The following KAZN variants were observed in gnomAD, a reference collection of about 807,000 sequenced individuals.
KAZN encodes the protein kazrin, periplakin interacting protein, also known as kazrin.
KAZN carries 40 observed loss-of-function variants against 87.4 expected under a neutral mutation model. The ratio of observed to expected loss-of-function variants is 0.46; its 90% CI spans 0.36 to 0.60. The LOEUF is 0.60. KAZN is among the 20% of genes least tolerant of loss of function. KAZN has a pLI of 0.00. For missense variants in KAZN, 898 were observed against 1,073.9 expected, an observed-to-expected ratio of 0.84 and a Z score of 2.29; for synonymous variants, 466 against 458.3, an observed-to-expected ratio of 1.02 and a Z score of -0.22.
chr1:15,025,275 T>G (rs187511380), intron 2 of KAZN, among the ~76,000 whole-genome samples: 23 of 152,344 alleles, frequency 1.5e-4, no homozygotes, highest in Admixed American at 1.4e-3. Flanking sequence ...TTAAGCATGC[T>G]GTTTGGAGTT....
chr1:14,201,676 T>G (rs1646643034), intron 2 of KAZN, among the ~76,000 whole-genome samples: 1 of 152,202 alleles, frequency 6.6e-6, no homozygotes, highest in Non-Finnish European at 1.5e-5. Flanking sequence ...CATTGTTCGT[T>G]TCTTTTCTTG....
intron 1 of KAZN, among the ~76,000 whole-genome samples, chr1:14,920,159 T>G (rs1658334595): frequency 6.6e-6 from 1 of 152,168 alleles, no homozygotes; most frequent in Non-Finnish European, 1.5e-5. Context: ...CTGGGTTTTG[T>G]TCCTTAAGCC....
intron 2 of KAZN, among the ~76,000 whole-genome samples, chr1:14,304,208 G>GAGCT (rs1472473343): frequency 2.6e-5 from 4 of 152,200 alleles, no homozygotes; most frequent in Admixed American, 2.6e-4. Flanking sequence ...TTCATGCAAA[G>GAGCT]AGCTGTCTGG....
rs187244702 is a variant in KAZN at position 14,561,330 on chromosome 1, T to C, written c.250-37653T>C. On this transcript the variant is annotated intron_variant, in intron 2 of 16. Transcript: ENST00000636203. ...AGCTAATGGCACAGCTGATAAGAGA[T>C]GGAAGGGACAGAAAAGGCATTGAGG... Among the ~76,000 whole-genome samples the C allele has an allele frequency of 1.8e-3, 268 of 152,094 alleles. 2 individuals carry two copies. Among genetic ancestry groups the C allele is most frequent in the Non-Finnish European group, 2.6e-3 (180 of 67,964 alleles).
chr1:13,993,897 T>C (rs1168796894), intron 1 of KAZN, among the ~76,000 whole-genome samples: 2 of 152,246 alleles, frequency 1.3e-5, no homozygotes, highest in African/African-American at 4.8e-5. Context: ...CATAGTTTTA[T>C]GTCAATCCCT....
chr1:14,843,901 C>T (rs1390237785), intron 1 of KAZN, among the ~76,000 whole-genome samples: 1 of 152,184 alleles, frequency 6.6e-6, no homozygotes, highest in Non-Finnish European at 1.5e-5. Context: ...GCAACTCACT[C>T]GACTGGACAA....
chr1:14,238,797 C>A (rs1388514108), intron 2 of KAZN, among the ~76,000 whole-genome samples: 1 of 152,246 alleles, frequency 6.6e-6, no homozygotes, highest in African/African-American at 2.4e-5. Context: ...GCATCACACA[C>A]AGCACTGACG....
At chr1:14,375,442 G>A (rs1282420785) in intron 2 of KAZN, among the ~76,000 whole-genome samples, 2 of 152,152 alleles carry the variant, frequency 1.3e-5, no homozygotes, top group African/African-American at 4.8e-5. Context: ...CCATACCGTA[G>A]GAATACTGTG....
At chr1:14,275,427 C>T (rs893727024) in intron 2 of KAZN, among the ~76,000 whole-genome samples, 2 of 145,634 alleles carry the variant, frequency 1.4e-5, no homozygotes, top group Non-Finnish European at 3.0e-5. Flanking sequence ...GTGAAAACTG[C>T]AGCCTTGTGG....
chr1:14,344,932 T>TC (rs994947189), intron 2 of KAZN, among the ~76,000 whole-genome samples: 5 of 146,970 alleles, frequency 3.4e-5, no homozygotes, highest in Non-Finnish European at 7.5e-5. Context: ...TTTTTTTTTT[T>TC]CCTTGAGATG....
At chr1:14,459,071 G>T (rs561573906) in intron 2 of KAZN, among the ~76,000 whole-genome samples, 2 of 152,176 alleles carry the variant, frequency 1.3e-5, no homozygotes, top group South Asian at 4.2e-4. Context: ...TCAGTGATTG[G>T]ACTCCCCCAA....
chr1:14,626,159 G>C (rs1347607539), intron 1 of KAZN, among the ~76,000 whole-genome samples: 1 of 152,186 alleles, frequency 6.6e-6, no homozygotes, highest in Non-Finnish European at 1.5e-5. Context: ...AGCGTCATTA[G>C]AGGCCTTTTA....
intron 1 of KAZN, among the ~76,000 whole-genome samples, chr1:13,922,959 T>A (rs1022077579): frequency 1.3e-5 from 2 of 152,196 alleles, no homozygotes; most frequent in African/African-American, 4.8e-5. Flanking sequence ...TTGATGGGCT[T>A]GCCAGTTGCA....
At chr1:14,762,461 C>T (rs907442866) in intron 1 of KAZN, among the ~76,000 whole-genome samples, 6 of 152,086 alleles carry the variant, frequency 3.9e-5, no homozygotes, top group Middle Eastern at 3.2e-3. Context: ...TGCGGTGGCT[C>T]ACGCCAGTAA....
chr1:15,068,523 G>A (rs538569972), intron 8 of KAZN, among the ~76,000 whole-genome samples: 37 of 152,142 alleles, frequency 2.4e-4, no homozygotes, highest in African/African-American at 7.2e-4. Flanking sequence ...GCTTTGGGGC[G>A]TGTTACTTCC....
intron 1 of KAZN, among the ~76,000 whole-genome samples, chr1:14,860,070 C>G (rs2101016934): frequency 6.6e-6 from 1 of 152,296 alleles, no homozygotes; most frequent in Middle Eastern, 3.4e-3. Context: ...TCTGTTCCTT[C>G]TCCAGGTACC....
intron 1 of KAZN, among the ~76,000 whole-genome samples, chr1:14,048,574 T>G (rs888808051): frequency 6.6e-6 from 1 of 152,036 alleles, no homozygotes; most frequent in Non-Finnish European, 1.5e-5. Flanking sequence ...CAGCCAATTT[T>G]CATGTTTTTA....
intron 1 of KAZN, among the ~76,000 whole-genome samples, chr1:14,155,038 T>C (rs1313142796): frequency 1.3e-5 from 2 of 149,766 alleles, no homozygotes; most frequent in African/African-American, 5.0e-5. Flanking sequence ...ATCGAGGTGA[T>C]ACTGGCCTCA....
rs114275198 is a variant in KAZN at position 14,801,254 on chromosome 1, A to G, written c.227-159430A>G. 5.9e-3 allele frequency among the ~76,000 whole-genome samples: 893 copies of G among 152,142 alleles called. 12 individuals are homozygous for G. The highest frequency in any genetic ancestry group is 0.021 in the African/African-American group (855 of 41,476). ...TTTCTCTCTCCGTCACCGCTCAGCA[A>G]GCTCCTCGGGGAAATGTGCGTCTCT... is the stretch of plus-strand genomic sequence containing the variant. On this transcript the variant is annotated intron_variant, in intron 1 of 14. Transcript: ENST00000376030.
Sources: allele counts gnomAD v4.1 joint callset (sites outside exome capture counted in the v4.1 genomes callset), GRCh38; gene constraint gnomAD v4.1.1; transcripts MANE v1.5; gene names NCBI Gene and HGNC (gene_info 2026-07-23, HGNC 2026-07-21).